Variants in ZC3HAV1 observed in about 807,000 individuals in gnomAD.
ZC3HAV1 encodes zinc finger CCCH-type containing, antiviral 1, also known as zinc finger CCCH-type antiviral protein 1.
In ZC3HAV1, 41 loss-of-function variants were observed where a neutral mutation model predicts 86.6. The observed-to-expected ratio is 0.47, with a 90% CI of 0.37 to 0.61. The LOEUF (loss-of-function observed/expected upper bound fraction) is 0.61, where lower values mean the gene tolerates loss of function less well. Among genes scored for constraint, ZC3HAV1 ranks in the 20% least tolerant of loss-of-function variants. The pLI, the probability that ZC3HAV1 is intolerant of heterozygous loss-of-function variation, is 0.00. For synonymous variants in ZC3HAV1, 421 were observed against 432.1 expected, an observed-to-expected ratio of 0.97 and a Z score of 0.32; for missense variants, 964 against 1,141.1, an observed-to-expected ratio of 0.84 and a Z score of 2.24.
intron 2 of ZC3HAV1, among the ~76,000 whole-genome samples, 190 bp downstream of exon 2, chr7:139,089,434 C>T (rs1223559026): frequency 6.6e-6 from 1 of 152,160 alleles, no homozygotes; most frequent in African/African-American, 2.4e-5. Flanking sequence ...ATTCCAGACT[C>T]AAATTCTTAT....
intron 8 of ZC3HAV1, among the ~76,000 whole-genome samples, chr7:139,064,627 T>C (rs1223709430): frequency 6.6e-6 from 1 of 152,134 alleles, no homozygotes; most frequent in Non-Finnish European, 1.5e-5. Flanking sequence ...TTTGAGCCCC[T>C]GATTTTGCAG....
intron 10 of ZC3HAV1, 52 bp from the exon 11 acceptor site, chr7:139,054,147 GAT>G: frequency 1.3e-6 from 2 of 1,501,418 alleles, no homozygotes; most frequent in Admixed American, 2.4e-5. Flanking sequence ...TTTAAAGCAT[GAT>G]ACATCCACAT....
intron 6 of ZC3HAV1, among the ~76,000 whole-genome samples, chr7:139,074,401 G>C (rs1045778824): frequency 1.3e-5 from 2 of 152,116 alleles, no homozygotes; most frequent in African/African-American, 4.8e-5. Context: ...GGAGACCCTT[G>C]CAGAAAATTG....
In ZC3HAV1 at chr7:139,047,556, A is replaced by G; in HGVS notation, c.*38T>C. The G allele has an allele frequency of 1.2e-6, 2 of 1,611,986 alleles. No individual in the cohort carries two copies. The highest frequency in any genetic ancestry group is 1.7e-6 in the Non-Finnish European group (2 of 1,179,562). On this transcript the variant is annotated 3_prime_UTR_variant, in exon 13 of 13. Transcript: ENST00000242351. Reference sequence around the variant, plus strand: ...CAATTTAGTTCTGTAAAGGAACAGAATGGTTATGGCATCCTTCTGACGCTG... The same window carrying G: ...CAATTTAGTTCTGTAAAGGAACAGAGTGGTTATGGCATCCTTCTGACGCTG...
intron 7 of ZC3HAV1, among the ~76,000 whole-genome samples, chr7:139,071,025 G>C (rs1395547706): frequency 1.3e-5 from 2 of 149,448 alleles, no homozygotes; most frequent in South Asian, 4.2e-4. Flanking sequence ...TTTTATTAGA[G>C]AACATGATTG....
At chr7:139,075,005 C>T (rs1477040209) in intron 6 of ZC3HAV1, among the ~76,000 whole-genome samples, 1 of 152,106 alleles carries the variant, frequency 6.6e-6, no homozygotes, top group East Asian at 1.9e-4. Context: ...CAATCAGGAA[C>T]GATTTTGACC....
chr7:139,105,070 C>T (rs892443247), intron 1 of ZC3HAV1, among the ~76,000 whole-genome samples: 1 of 151,028 alleles, frequency 6.6e-6, no homozygotes, highest in South Asian at 2.1e-4. Flanking sequence ...AAAAGTTAGC[C>T]GGACATGGTG....
chr7:139,061,030 A>T lies in ZC3HAV1; in HGVS notation c.2096+6T>A. 6.2e-7 allele frequency: 1 copy of T among 1,613,556 alleles called. No individual in the cohort carries two copies. On this transcript the variant is annotated splice_donor_region_variant and intron_variant, in intron 9 of 12. Coordinates refer to ENST00000242351, the MANE Select transcript of ZC3HAV1 (RefSeq NM_020119.4). ...TGTCAGCAAACAGCTGCTTCAGAAC[A>T]CTTACTCTGGCCCTCTCTTCATCTG... is the stretch of plus-strand genomic sequence containing the variant.
intron 2 of ZC3HAV1, among the ~76,000 whole-genome samples, chr7:139,086,491 G>A (rs1817276451): frequency 7.2e-6 from 1 of 139,358 alleles, no homozygotes; most frequent in East Asian, 2.4e-4. Context: ...TTTGATAAAA[G>A]TATGATGACA....
intron 5 of ZC3HAV1, among the ~76,000 whole-genome samples, chr7:139,076,779 C>T (rs2130701445): frequency 6.6e-6 from 1 of 152,084 alleles, no homozygotes; most frequent in Non-Finnish European, 1.5e-5. Flanking sequence ...GTAATCCCAG[C>T]TTCTCGGGAG....
At chr7:139,098,733 A>G (rs938095479) in intron 1 of ZC3HAV1, among the ~76,000 whole-genome samples, 1 of 152,212 alleles carries the variant, frequency 6.6e-6, no homozygotes, top group Non-Finnish European at 1.5e-5. Context: ...AGATCATGAA[A>G]TAAGTCTCCC....
Position 139,087,861 on chromosome 7 carries a change from C to T in ZC3HAV1, c.444+1763G>A, listed in dbSNP as rs553136621. ...CTGGTCAACATAGTGAGACCCTGTCCCTACTAAAATTTAAAAAAAAGTTAG... is the reference window on the plus strand; with the variant it reads ...CTGGTCAACATAGTGAGACCCTGTCTCTACTAAAATTTAAAAAAAAGTTAG... On this transcript the variant is annotated intron_variant, in intron 2 of 12. Transcript: ENST00000242351. Among the ~76,000 whole-genome samples, 7 of 151,136 alleles carry T rather than the reference C, an allele frequency of 4.6e-5. No homozygotes were observed. In the East Asian group the frequency reaches 1.2e-3, roughly 25 times the overall value.
intron 9 of ZC3HAV1, chr7:139,060,407 A>T: frequency 2.0e-6 from 2 of 987,438 alleles, no homozygotes; most frequent in Non-Finnish European, 2.4e-6. Flanking sequence ...CCACAGCAAC[A>T]TTTCCTTTAA....
At position 139,076,131 on chromosome 7, in the gene ZC3HAV1, G is replaced by T. The variant is rs186752526; in HGVS notation, c.1697+155C>A. Among the ~76,000 whole-genome samples the T allele has an allele frequency of 7.4e-4, 112 of 152,314 alleles. 1 individual carries two copies. The highest frequency in any genetic ancestry group is 3.5e-3 in the Admixed American group (53 of 15,304). On this transcript the variant is annotated intron_variant, in intron 6 of 12. Coordinates refer to ENST00000242351, the MANE Select transcript of ZC3HAV1 (RefSeq NM_020119.4). ...GCTGTGGTTTTCCTTCATTAACTCG[G>T]CAGGCATTTGCCATTTTTTATCTCA...
chr7:139,058,071 C>CT (rs1386452996), intron 9 of ZC3HAV1, among the ~76,000 whole-genome samples: 1 of 152,040 alleles, frequency 6.6e-6, no homozygotes, highest in African/African-American at 2.4e-5. Flanking sequence ...GGATAGTACC[C>CT]CAGCCCTTAT....
At chr7:139,105,316 C>T (rs550793923) in intron 1 of ZC3HAV1, among the ~76,000 whole-genome samples, 1 of 152,116 alleles carries the variant, frequency 6.6e-6, no homozygotes, top group South Asian at 2.1e-4. Flanking sequence ...GCTCCATGCC[C>T]GAGTTTCCTA....
chr7:139,081,792 A>T (rs1390631447), intron 3 of ZC3HAV1, among the ~76,000 whole-genome samples: 1 of 152,222 alleles, frequency 6.6e-6, no homozygotes, highest in Non-Finnish European at 1.5e-5. Context: ...ATTTGGGATG[A>T]AAGTCCCTTG....
chr7:139,055,388 C>T (rs1283203389), intron 9 of ZC3HAV1, 93 bp from the exon 10 acceptor site: 3 of 1,013,064 alleles, frequency 3.0e-6, no homozygotes, highest in Non-Finnish European at 3.0e-6. Context: ...CCAAGGATGC[C>T]TAGAGAAATA....
intron 7 of ZC3HAV1, 62 bp downstream of exon 7, chr7:139,073,794 A>G (rs1039086063): frequency 6.6e-7 from 1 of 1,507,114 alleles, no homozygotes; most frequent in Non-Finnish European, 8.9e-7. Flanking sequence ...CCCAGCCAAC[A>G]GTGTTCTTTT....
Sources: gnomAD v4.1 joint callset for allele counts (sites outside exome capture counted in the v4.1 genomes callset) on GRCh38, gnomAD v4.1.1 for gene constraint, MANE v1.5 for transcripts, NCBI Gene and HGNC (gene_info 2026-07-23, HGNC 2026-07-21) for gene names.